The following FAM89A variants were observed in gnomAD, a reference collection of about 807,000 sequenced individuals.
FAM89A encodes the protein protein FAM89A.
FAM89A carries 10 observed loss-of-function variants against 7.1 expected under a neutral mutation model. That is an observed-to-expected ratio of 1.40 (90% CI 0.86 to 2.38). The LOEUF is 2.38. FAM89A is among the 30% of genes most tolerant of loss of function. The pLI is 0.00. For synonymous variants in FAM89A, 157 were observed against 129.3 expected (o/e 1.21, Z -1.45); for missense variants, 276 against 262.8 (o/e 1.05, Z -0.35).
intron 1 of FAM89A, chr1:231,021,680 A>C: frequency 6.3e-7 from 1 of 1,581,256 alleles, no homozygotes; most frequent in Non-Finnish European, 8.7e-7. Flanking sequence ...ACGGGAAGCA[A>C]CCTCCACCCC....
intron 1 of FAM89A, among the ~76,000 whole-genome samples, chr1:231,020,899 G>C (rs910724553): frequency 3.9e-5 from 6 of 152,108 alleles, no homozygotes; most frequent in Admixed American, 6.5e-5. Context: ...CCAGAGAAAA[G>C]AGCACGGTCA....
intron 1 of FAM89A, among the ~76,000 whole-genome samples, chr1:231,030,924 A>G (rs1226992569): frequency 1.3e-5 from 2 of 152,188 alleles, no homozygotes; most frequent in Non-Finnish European, 2.9e-5. Flanking sequence ...AGCCTGGACA[A>G]CATGGCAAAA....
chr1:231,022,596 T>TTA (rs1298592754), intron 1 of FAM89A, among the ~76,000 whole-genome samples: 1 of 152,136 alleles, frequency 6.6e-6, no homozygotes, highest in East Asian at 1.9e-4. Context: ...CCAGACCCGG[T>TTA]TCACCCAGCT....
chr1:231,027,499 A>G (rs2103072933), intron 1 of FAM89A, among the ~76,000 whole-genome samples: 1 of 152,212 alleles, frequency 6.6e-6, no homozygotes, highest in South Asian at 2.1e-4. Flanking sequence ...CCAGCCTCTC[A>G]ATGCCACTGT....
In FAM89A at chr1:231,039,980, C is replaced by A; in HGVS notation, c.232G>T (p.Ala78Ser). 7.3e-7 allele frequency: 1 copy of A among 1,378,402 alleles called. No homozygotes were observed. Among genetic ancestry groups the A allele is most frequent in the South Asian group, 1.7e-5 (1 of 59,484 alleles). 85.4% of individuals were successfully genotyped at this position (1,378,402 alleles called of 1,614,324 possible). The change falls in exon 1 of 2, where the codon GCG becomes TCG. Residue 78 changes from alanine to serine, a missense_variant. Coordinates refer to ENST00000366654, the MANE Select transcript of FAM89A (RefSeq NM_198552.3). ...AGGTTGGGAGGCTTGGCGGGCAGCG[C>A]TGCCGCCCGGGCCCCGCCGCCGCCC... Reference protein sequence around the residue: ...GPGGGGARAAALPAKPPNLDA... With the variant: ...GPGGGGARAASLPAKPPNLDA...
chr1:231,020,112 C>T lies in FAM89A; in HGVS notation c.306G>A (p.Gln102=). 6.2e-7 allele frequency: 1 copy of T among 1,607,028 alleles called. No individual in the cohort carries two copies. The highest frequency in any genetic ancestry group is 8.5e-7 in the Non-Finnish European group (1 of 1,174,774). Residue 102 remains glutamine (Q), a synonymous_variant, in exon 2 of 2, where the codon CAG becomes CAA. Transcript: ENST00000366654. ...LLRKEMVGLR[Q]LDMSLLCQLY... is the part of the protein sequence containing the mutation. The stretch of plus-strand genomic sequence containing the variant: ...GTTGGCAGAGCAAGGACATGTCCAG[C>T]TGGCGGAGACCAACCTTGAGGGAAG...
chr1:231,040,068 C>G lies in FAM89A; in HGVS notation c.144G>C (p.Arg48=). ...ASGGGASGGW[R]HLERLYAQKS... is the part of the protein sequence containing the mutation. ...TCTGCGCGTACAGCCGCTCCAGGTG[C>G]CGCCAGCCCCCAGACGCGCCGCCGC... The change falls in exon 1 of 2, where the codon CGG becomes CGC. Residue 48 remains arginine (R), a synonymous_variant. Coordinates refer to ENST00000366654, the MANE Select transcript of FAM89A (RefSeq NM_198552.3). 1 of 1,446,784 alleles carries G rather than the reference C, an allele frequency of 6.9e-7. No individual in the cohort carries two copies. The highest frequency in any genetic ancestry group is 1.4e-5 in the South Asian group (1 of 72,958). 89.6% of individuals were successfully genotyped at this position (1,446,784 alleles called of 1,614,324 possible).
In FAM89A at chr1:231,021,908, T is replaced by TCC; in HGVS notation, c.292-1783_292-1782insGG. On this transcript the variant is annotated intron_variant, in intron 1 of 1. Transcript: ENST00000366654. ...CATGGTGAGCAGTGACGATGAGTTG[T>TCC]TGTCCAGGGACAGAGACGTGTATGT... 4 of 1,543,926 alleles carry TCC rather than the reference T, an allele frequency of 2.6e-6. No individual in the cohort carries two copies. In the South Asian group the frequency reaches 4.5e-5, roughly 17 times the overall value.
intron 1 of FAM89A, 79 bp downstream of exon 1, chr1:231,039,842 A>C (rs1438547461): frequency 2.6e-5 from 33 of 1,247,390 alleles, no homozygotes; most frequent in Non-Finnish European, 3.0e-5. Context: ...GGACTTCCGG[A>C]CAGAGCGCGG....
At chr1:231,039,773 G>T (rs972101889) in intron 1 of FAM89A, 148 bp downstream of exon 1, 3 of 792,028 alleles carry the variant, frequency 3.8e-6, no homozygotes, top group Non-Finnish European at 5.1e-6. Context: ...AATGGGGGTC[G>T]TTGGGAGGAC....
chr1:231,019,802 A>T lies in FAM89A; in HGVS notation c.*61T>A, dbSNP rs1179723183. ...GTGCTTTCTTGCAAGAGAAGCAGCA[A>T]ATGATGACAGCGTGTCCAGTAGGAA... On this transcript the variant is annotated 3_prime_UTR_variant, in exon 2 of 2. Coordinates refer to ENST00000366654, the MANE Select transcript of FAM89A (RefSeq NM_198552.3). 1 of 1,559,636 alleles carries T rather than the reference A, an allele frequency of 6.4e-7. No individual in the cohort carries two copies. Among genetic ancestry groups the T allele is most frequent in the African/African-American group, 1.4e-5 (1 of 73,620 alleles).
intron 1 of FAM89A, among the ~76,000 whole-genome samples, chr1:231,035,306 G>A (rs897614036): frequency 1.3e-5 from 2 of 152,064 alleles, no homozygotes; most frequent in African/African-American, 4.8e-5. Flanking sequence ...TTGCAATTTG[G>A]GAATTCAAAA....
rs116812446 is a variant in FAM89A at position 231,019,584 on chromosome 1, T to C, written c.*279A>G. ...TTTCACCGAGATCCTCTTGTTATAT[T>C]CTCATTATGAATCCCCAGCAGGTGC... On this transcript the variant is annotated 3_prime_UTR_variant, in exon 2 of 2. Transcript: ENST00000366654. 860 of 381,500 alleles carry C rather than the reference T, an allele frequency of 2.3e-3. 5 individuals carry two copies. Among genetic ancestry groups the C allele is most frequent in the African/African-American group, 0.016 (788 of 49,680 alleles). The allele number at this position is 381,500 out of a possible 1,614,324, so 23.6% of individuals were successfully genotyped here. A position where few individuals can be genotyped will look rare whatever the true frequency, so the allele number is the denominator to read the frequency against.
chr1:231,032,335 C>CAA (rs60935058), intron 1 of FAM89A, among the ~76,000 whole-genome samples: 1 of 145,222 alleles, frequency 6.9e-6, no homozygotes, highest in Admixed American at 7.0e-5. Flanking sequence ...AAACTGCGCT[C>CAA]AAAAAACCCT....
chr1:231,036,673 A>G (rs1680160414), intron 1 of FAM89A, among the ~76,000 whole-genome samples: 1 of 152,036 alleles, frequency 6.6e-6, no homozygotes, highest in African/African-American at 2.4e-5. Flanking sequence ...CAGCTCTCCC[A>G]GCCTCCACCC....
chr1:231,033,039 T>C (rs1572357624), intron 1 of FAM89A, among the ~76,000 whole-genome samples: 1 of 152,244 alleles, frequency 6.6e-6, no homozygotes, highest in African/African-American at 2.4e-5. Flanking sequence ...TCTGTAGACT[T>C]CTAAAGTAGG....
intron 1 of FAM89A, among the ~76,000 whole-genome samples, chr1:231,023,173 G>A (rs568837362): frequency 2.6e-5 from 4 of 152,134 alleles, no homozygotes; most frequent in Non-Finnish European, 5.9e-5. Flanking sequence ...CCCCATGTTC[G>A]GAGAACCTGG....
At chr1:231,021,696 T>A in intron 1 of FAM89A, 1 of 1,588,278 alleles carries the variant, frequency 6.3e-7, no homozygotes, top group Non-Finnish European at 8.6e-7. Context: ...ACCCCTGAGA[T>A]TTCCTTGGAA....
At position 231,020,211 on chromosome 1, in the gene FAM89A, C is replaced by T. The variant is rs957221121; in HGVS notation, c.292-85G>A. The T allele has an allele frequency of 2.2e-6, 3 of 1,350,684 alleles. No homozygotes were observed. In the African/African-American group the frequency reaches 4.4e-5, roughly 20 times the overall value. 83.7% of individuals were successfully genotyped at this position (1,350,684 alleles called of 1,614,324 possible). On this transcript the variant is annotated intron_variant, in intron 1 of 1. Coordinates refer to ENST00000366654, the MANE Select transcript of FAM89A (RefSeq NM_198552.3). ...TGGAACACTCAGCCGGCGATCTGCG[C>T]CTGCCAGCACATTCCTTCCACACGG...
Sources: gnomAD v4.1 joint callset for allele counts (sites outside exome capture counted in the v4.1 genomes callset) on GRCh38, gnomAD v4.1.1 for gene constraint, MANE v1.5 for transcripts, NCBI Gene and HGNC (gene_info 2026-07-23, HGNC 2026-07-21) for gene names.